NIPA1: variants seen among roughly 807,000 people sequenced by gnomAD.
The protein encoded by NIPA1 is NIPA magnesium transporter 1.
A neutral mutation model predicts 23.9 loss-of-function variants in NIPA1; 13 were observed. The ratio of observed to expected loss-of-function variants is 0.54; its 90% confidence interval spans 0.35 to 0.87. The LOEUF is 0.87. Among genes scored for constraint, NIPA1 ranks in the 40% least tolerant of loss-of-function variants. The pLI is 0.01. For missense variants in NIPA1, 362 were observed against 429.7 expected (o/e 0.84, Z 1.39); for synonymous variants, 234 against 202.9 (o/e 1.15, Z -1.30).
intron 4 of NIPA1, among the ~76,000 whole-genome samples, chr15:22,822,696 G>T (rs1186224128): frequency 6.6e-6 from 1 of 151,972 alleles, no homozygotes; most frequent in Admixed American, 6.6e-5. Flanking sequence ...GTGGTGGCGG[G>T]TGCTTATGTA....
intron 1 of NIPA1, among the ~76,000 whole-genome samples, chr15:22,793,303 C>T (rs1488488674): frequency 2.8e-5 from 4 of 142,724 alleles, no homozygotes; most frequent in East Asian, 2.1e-4. Flanking sequence ...GAGCTGAGAT[C>T]GCACCACTGC....
chr15:22,823,484 G>A (rs1443023752), intron 4 of NIPA1, among the ~76,000 whole-genome samples: 1 of 152,216 alleles, frequency 6.6e-6, no homozygotes, highest in Non-Finnish European at 1.5e-5. Context: ...ACAGGCATGA[G>A]CCACCGCGTC....
intron 3 of NIPA1, chr15:22,813,777 T>C (rs140089861): frequency 1.9e-4 from 82 of 438,148 alleles, no homozygotes; most frequent in African/African-American, 1.5e-3. Context: ...GTGTGGCACA[T>C]TTTTCTCGTG....
chr15:22,805,838 T>C (rs1895194943), intron 1 of NIPA1, among the ~76,000 whole-genome samples: 1 of 152,216 alleles, frequency 6.6e-6, no homozygotes, highest in Non-Finnish European at 1.5e-5. Flanking sequence ...AGCAATCTTT[T>C]TGTGGAATAA....
intron 1 of NIPA1, among the ~76,000 whole-genome samples, chr15:22,789,674 G>C (rs1387863029): frequency 1.3e-5 from 2 of 152,174 alleles, no homozygotes; most frequent in Non-Finnish European, 2.9e-5. Context: ...TGGCACCAAA[G>C]TATGTTACCA....
intron 2 of NIPA1, 140 bp downstream of exon 2, chr15:22,810,936 C>T (rs544923020): frequency 4.5e-5 from 34 of 750,594 alleles, no homozygotes; most frequent in African/African-American, 1.6e-4. Flanking sequence ...AGGCCCTAAG[C>T]GTGCCTTTCA....
chr15:22,827,107 T>TG lies in NIPA1; in HGVS notation c.*2869dup, dbSNP rs1291808003. 1 of 152,014 alleles carries TG rather than the reference T, an allele frequency of 6.6e-6. No homozygotes were observed. Among genetic ancestry groups the TG allele is most frequent in the Non-Finnish European group, 1.5e-5 (1 of 67,976 alleles). The allele number at this position is 152,014 out of a possible 1,614,324, so 9.4% of individuals were successfully genotyped here. A position where few individuals can be genotyped will look rare whatever the true frequency, so the allele number is the denominator to read the frequency against. ...ATATTTTCATTATCATACTATTCTTTGAAAAAAAAGATGCTTACTGTATAC... is the reference window on the plus strand; with the variant it reads ...ATATTTTCATTATCATACTATTCTTTGGAAAAAAAAGATGCTTACTGTATAC... On this transcript the variant is annotated 3_prime_UTR_variant, in exon 5 of 5. Coordinates refer to ENST00000337435, the MANE Select transcript of NIPA1 (RefSeq NM_144599.5).
At chr15:22,787,560 C>T (rs1042446824) in intron 1 of NIPA1, among the ~76,000 whole-genome samples, 1 of 152,226 alleles carries the variant, frequency 6.6e-6, no homozygotes, top group African/African-American at 2.4e-5. Context: ...CACCGCACTC[C>T]GTAGTGCTCT....
intron 4 of NIPA1, among the ~76,000 whole-genome samples, chr15:22,821,513 CGTCCACACTCACTGGTTTT>C (rs907190845): frequency 1.4e-5 from 2 of 147,498 alleles, no homozygotes; most frequent in Admixed American, 1.4e-4. Context: ...CTGGTTTTCT[CGTCCACACTCACTGGTTTT>C]GTCCACACTC....
intron 1 of NIPA1, among the ~76,000 whole-genome samples, chr15:22,799,088 A>G (rs1227706649): frequency 6.6e-6 from 1 of 152,100 alleles, no homozygotes; most frequent in African/African-American, 2.4e-5. Context: ...TGTCTACTCA[A>G]AGGAAAATAA....
rs1011104387 is a variant in NIPA1 at position 22,824,090 on chromosome 15, C to T, written c.841C>T (p.Arg281Trp). 6.8e-6 allele frequency: 11 copies of T among 1,613,950 alleles called. No individual in the cohort carries two copies. The highest frequency in any genetic ancestry group is 9.3e-6 in the Non-Finnish European group (11 of 1,179,978). ...CCTGCTGGCCTCAGCCATCCTCTTC[C>T]GGGAGTGGAGCAACGTGGGCCTGGT... ...LVLLASAILFREWSNVGLVDF... is the reference protein window; with the variant it reads ...LVLLASAILFWEWSNVGLVDF... Residue 281 changes from arginine to tryptophan, a missense_variant, in exon 5 of 5, where the codon CGG becomes TGG. Arg to Trp is a moderately radical substitution (Grantham distance 101). Around this residue, in one of 2 missense-constraint regions of NIPA1, gnomAD observed 277 missense variants for 372.0 expected, o/e 0.74. Transcript: ENST00000337435. This position sits in a 1 kb window ranked among gnomAD's most constrained non-coding sequence, Gnocchi z 4.1.
intron 4 of NIPA1, among the ~76,000 whole-genome samples, chr15:22,823,072 C>G (rs569868379): frequency 2.9e-4 from 43 of 148,618 alleles, no homozygotes; most frequent in African/African-American, 9.9e-4. Flanking sequence ...GTGCATGCCA[C>G]CACGCCTAGC....
intron 1 of NIPA1, among the ~76,000 whole-genome samples, chr15:22,797,654 C>T (rs1894968317): frequency 2.0e-5 from 3 of 151,700 alleles, no homozygotes; most frequent in Non-Finnish European, 2.9e-5. Flanking sequence ...TAGGCATGCG[C>T]CACCACGCCT....
At chr15:22,788,919 T>TAAAAAAAAAAAGA (rs1894769734) in intron 1 of NIPA1, among the ~76,000 whole-genome samples, 1 of 78,794 alleles carries the variant, frequency 1.3e-5, no homozygotes, top group Non-Finnish European at 2.3e-5. Context: ...GGCTCTGTCT[T>TAAAAAAAAAAAGA]AAAAAAAAAA....
At chr15:22,821,404 A>C (rs548240097) in intron 4 of NIPA1, among the ~76,000 whole-genome samples, 1 of 152,202 alleles carries the variant, frequency 6.6e-6, no homozygotes, top group Non-Finnish European at 1.5e-5. Flanking sequence ...AACTGCCTCC[A>C]CATCAGTTTG....
rs926686660 is a variant in NIPA1, at chr15:22,825,515, C to G, written c.*1276C>G. 1.3e-5 allele frequency: 2 copies of G among 152,086 alleles called. No homozygotes were observed. Among genetic ancestry groups the G allele is most frequent in the Admixed American group, 6.6e-5 (1 of 15,266 alleles). 9.4% of individuals were successfully genotyped at this position (152,086 alleles called of 1,614,324 possible). On this transcript the variant is annotated 3_prime_UTR_variant, in exon 5 of 5. Transcript: ENST00000337435. The stretch of plus-strand genomic sequence containing the variant: ...TATTCGATCTGTGTTACCTGGGATC[C>G]AGTATCAAATATATCCACATTCTTT...
chr15:22,820,358 G>C lies in NIPA1; in HGVS notation c.363G>C (p.Leu121Phe). 1 of 1,612,334 alleles carries C rather than the reference G, an allele frequency of 6.2e-7. No individual in the cohort carries two copies. The highest frequency in any genetic ancestry group is 8.5e-7 in the Non-Finnish European group (1 of 1,178,338). Residue 121 changes from leucine to phenylalanine, a missense_variant, in exon 4 of 5, where the codon TTG (leucine) becomes TTC (phenylalanine). This residue lies in a region of NIPA1 where 277 missense variants were observed against 372.0 expected (regional missense o/e 0.74). Coordinates refer to ENST00000337435, the MANE Select transcript of NIPA1 (RefSeq NM_144599.5). Reference sequence around the variant, plus strand: ...TCCTGAAGGAAAAGCTCAACATCTTGGGCAAGTTGGGGTGCCTGCTAAGCT... The same window carrying C: ...TCCTGAAGGAAAAGCTCAACATCTTCGGCAAGTTGGGGTGCCTGCTAAGCT... ...SYLLKEKLNI[L>F]GKLGCLLSCA...
intron 1 of NIPA1, among the ~76,000 whole-genome samples, chr15:22,807,734 A>G (rs960068169): frequency 6.6e-6 from 1 of 151,258 alleles, no homozygotes; most frequent in Non-Finnish European, 1.5e-5. Flanking sequence ...GAAAAAGGAG[A>G]TATTTTCTGT....
rs182742643 is a variant in NIPA1, at chr15:22,797,575, G to A, written c.178+10741G>A. ...GGCCAGAGTGCAATGGTGCAATCTC[G>A]GCACACTGCAACTTCCACCTCCCGT... is the stretch of plus-strand genomic sequence containing the variant. On this transcript the variant is annotated intron_variant, in intron 1 of 4. Transcript: ENST00000337435. Among the ~76,000 whole-genome samples the A allele has an allele frequency of 1.3e-4, 17 of 130,208 alleles. No individual in the cohort carries two copies. In the South Asian group the frequency reaches 3.1e-3, roughly 24 times the overall value. The allele number at this position is 130,208 out of a possible 152,430, so 85.4% of individuals were successfully genotyped here. A position where few individuals can be genotyped will look rare whatever the true frequency, so the allele number is the denominator to read the frequency against.
Sources: allele counts gnomAD v4.1 joint callset (sites outside exome capture counted in the v4.1 genomes callset), GRCh38; gene constraint gnomAD v4.1.1; regional missense constraint gnomAD v4.1.1; non-coding constraint Gnocchi (gnomAD v3.1); transcripts MANE v1.5; gene names NCBI Gene and HGNC (gene_info 2026-07-23, HGNC 2026-07-21).